HERC4: variants seen among roughly 807,000 people sequenced by gnomAD.
HERC4 encodes probable E3 ubiquitin-protein ligase HERC4.
A neutral mutation model predicts 124.3 loss-of-function variants in HERC4; 28 were observed. The ratio of observed to expected loss-of-function variants is 0.23; its 90% CI spans 0.17 to 0.31. The LOEUF (loss-of-function observed/expected upper bound fraction) is 0.31. Ranked by LOEUF, HERC4 falls within the 10% of genes least tolerant of loss-of-function variation. HERC4 has a pLI of 1.00. For synonymous variants in HERC4, 407 were observed against 421.5 expected (o/e 0.97, Z 0.42); for missense variants, 713 against 1,229.3 (o/e 0.58, Z 6.28).
intron 23 of HERC4, among the ~76,000 whole-genome samples, chr10:67,927,426 A>ATTTTTT (rs2031223112): frequency 1.1e-4 from 1 of 8,854 alleles, no homozygotes; most frequent in African/African-American, 2.7e-4. Flanking sequence ...ATATATATAT[A>ATTTTTT]TATATTTTTT....
intron 4 of HERC4, chr10:68,039,577 A>C: frequency 6.6e-7 from 1 of 1,516,196 alleles, no homozygotes; most frequent in Non-Finnish European, 8.8e-7. Context: ...TAGTGAAGTT[A>C]TGCTCTTAAC....
chr10:68,072,022 GATAAA>G (rs1393114664), intron 3 of HERC4, among the ~76,000 whole-genome samples: 1 of 152,074 alleles, frequency 6.6e-6, no homozygotes, highest in Non-Finnish European at 1.5e-5. Context: ...TTAATAAACT[GATAAA>G]ATAACTGCCA....
chr10:67,998,653 T>C (rs1232281473), intron 9 of HERC4, among the ~76,000 whole-genome samples: 2 of 152,158 alleles, frequency 1.3e-5, no homozygotes, highest in African/African-American at 2.4e-5. Context: ...TTCTCACTTA[T>C]GCCAGTGGTT....
chr10:68,014,090 C>T lies in HERC4; in HGVS notation c.1005G>A (p.Arg335=). 2 of 1,613,494 alleles carry T rather than the reference C, an allele frequency of 1.2e-6. No individual in the cohort carries two copies. Among genetic ancestry groups the T allele is most frequent in the Non-Finnish European group, 1.7e-6 (2 of 1,179,544 alleles). The change falls in exon 9 of 25, where the codon AGG becomes AGA. Residue 335 remains arginine (R), a synonymous_variant. Transcript: ENST00000373700. Reference sequence around the variant, plus strand: ...TTCCTTTTACAGTAAAGGGGCTTTTCCTGTTGCTTGTTGAACCGGTTCCCA... The same window carrying T: ...TTCCTTTTACAGTAAAGGGGCTTTTTCTGTTGCTTGTTGAACCGGTTCCCA... The part of the protein sequence containing the change: ...GQLGTGSTSN[R]KSPFTVKGNW...
chr10:67,923,187 AC>A, intron 24 of HERC4, 48 bp from the exon 25 acceptor site: 1 of 1,409,394 alleles, frequency 7.1e-7, no homozygotes, highest in African/African-American at 1.4e-5. Context: ...ACAAAAAGAT[AC>A]AGTAGCAAGT....
Position 67,990,153 on chromosome 10 carries a change from T to G in HERC4, c.1633+58A>C, listed in dbSNP as rs146253779. The G allele has an allele frequency of 3.6e-6, 5 of 1,393,604 alleles. No individual in the cohort carries two copies. The East Asian group carries it at 7.3e-5, about 20-fold the overall frequency. The allele number at this position is 1,393,604 out of a possible 1,614,324, so 86.3% of individuals were successfully genotyped here. A position where few individuals can be genotyped will look rare whatever the true frequency, so the allele number is the denominator to read the frequency against. On this transcript the variant is annotated intron_variant, in intron 14 of 24. Coordinates refer to ENST00000373700, the MANE Select transcript of HERC4 (RefSeq NM_015601.4). The stretch of plus-strand genomic sequence containing the variant: ...GAACTGCAAATGGCAAAAGAACTTA[T>G]GAAGCATTTTCATTTAAAGAGAAAA...
At chr10:68,045,406 A>G (rs935070115) in intron 3 of HERC4, among the ~76,000 whole-genome samples, 5 of 152,242 alleles carry the variant, frequency 3.3e-5, no homozygotes, top group African/African-American at 4.8e-5. Flanking sequence ...AGATCTCATA[A>G]ATAAAGCATC....
chr10:68,010,321 A>G (rs1200364575), intron 9 of HERC4: 30 of 935,244 alleles, frequency 3.2e-5, no homozygotes, highest in Non-Finnish European at 2.5e-5. Flanking sequence ...CCAAAATGGG[A>G]GCCTGGGGCA....
intron 9 of HERC4, among the ~76,000 whole-genome samples, chr10:67,999,442 A>G (rs768942782): frequency 5.3e-5 from 8 of 152,220 alleles, no homozygotes; most frequent in Non-Finnish European, 1.0e-4. Context: ...TGTTTTCAAC[A>G]AAGGAGTCTC....
Position 68,072,917 on chromosome 10 carries a change from T to C in HERC4, c.192A>G (p.Gly64=). Residue 64 remains glycine, a synonymous_variant, in exon 3 of 25, where the codon GGA becomes GGG. Transcript: ENST00000373700. ...TVYTCGCNDL[G]QLGHEKSRKK... is the part of the protein sequence containing the mutation. ...TTCTGGATTTTTCATGACCTAGCTG[T>C]CCTAGATCATTACATCCACATGTGT... The C allele has an allele frequency of 6.2e-7, 1 of 1,612,338 alleles. No individual in the cohort carries two copies. The highest frequency in any genetic ancestry group is 1.1e-5 in the South Asian group (1 of 90,766).
chr10:67,993,204 G>T (rs1032212324), intron 9 of HERC4: 1 of 152,186 alleles, frequency 6.6e-6, no homozygotes, highest in African/African-American at 2.4e-5. Flanking sequence ...AATTAGCCAG[G>T]CGTGGTGGTG....
At chr10:68,001,430 G>A (rs1157092023) in intron 9 of HERC4, among the ~76,000 whole-genome samples, 1 of 152,002 alleles carries the variant, frequency 6.6e-6, no homozygotes, top group Admixed American at 6.6e-5. Context: ...GATAGTTTAT[G>A]ATTAAAATGT....
chr10:68,010,451 C>T, intron 9 of HERC4: 6 of 940,290 alleles, frequency 6.4e-6, no homozygotes, highest in Non-Finnish European at 1.0e-5. Flanking sequence ...CCTTCTGGCG[C>T]CAATTACAGA....
At chr10:68,055,755 C>CTTTTTT (rs201966338) in intron 3 of HERC4, among the ~76,000 whole-genome samples, 1 of 143,074 alleles carries the variant, frequency 7.0e-6, no homozygotes, top group Non-Finnish European at 1.5e-5. Context: ...TTACAATATC[C>CTTTTTT]TTTTTTTTTT....
At chr10:67,997,034 C>T (rs2036929594) in intron 9 of HERC4, among the ~76,000 whole-genome samples, 1 of 151,838 alleles carries the variant, frequency 6.6e-6, no homozygotes, top group African/African-American at 2.4e-5. Context: ...TTCAAGAACC[C>T]TCTGAGATAG....
chr10:67,966,534 C>A (rs2034875415), intron 16 of HERC4, 149 bp downstream of exon 16: 2 of 630,220 alleles, frequency 3.2e-6, no homozygotes, highest in African/African-American at 1.9e-5. Flanking sequence ...AAATATATAG[C>A]ACTCCTTTGC....
intron 7 of HERC4, among the ~76,000 whole-genome samples, chr10:68,027,145 A>G (rs986829489): frequency 1.3e-5 from 2 of 152,260 alleles, no homozygotes; most frequent in African/African-American, 2.4e-5. Context: ...TCATAACTGT[A>G]GCTATATATG....
At chr10:68,009,029 T>C (rs1294969367) in intron 9 of HERC4, among the ~76,000 whole-genome samples, 3 of 152,108 alleles carry the variant, frequency 2.0e-5, no homozygotes, top group Non-Finnish European at 4.4e-5. Flanking sequence ...GAGACCAGAC[T>C]GGCCAACATG....
At chr10:68,062,759 C>CA (rs906744325) in intron 3 of HERC4, among the ~76,000 whole-genome samples, 2 of 150,528 alleles carry the variant, frequency 1.3e-5, no homozygotes, top group African/African-American at 5.0e-5. Context: ...GACTCCATCT[C>CA]AAAAAAAATA....
Sources: gnomAD v4.1 joint callset for allele counts (sites outside exome capture counted in the v4.1 genomes callset) on GRCh38, gnomAD v4.1.1 for gene constraint, MANE v1.5 for transcripts, NCBI Gene and HGNC (gene_info 2026-07-23, HGNC 2026-07-21) for gene names.